The following ASPSCR1 variants were observed in gnomAD, a reference collection of about 807,000 sequenced individuals.
The protein encoded by ASPSCR1 is ASPSCR1 tether for SLC2A4, UBX domain containing.
ASPSCR1 carries 55 observed loss-of-function variants against 68.9 expected under a neutral mutation model. The ratio of observed to expected loss-of-function variants is 0.80; its 90% CI spans 0.64 to 1.00. The LOEUF (loss-of-function observed/expected upper bound fraction) is 1.00, where lower values mean the gene tolerates loss of function less well. Ranked by LOEUF, ASPSCR1 falls within the 50% of genes least tolerant of loss-of-function variation. The pLI, the probability that ASPSCR1 is intolerant of heterozygous loss-of-function variation, is 0.00. For synonymous variants in ASPSCR1, 352 were observed against 332.6 expected (o/e 1.06, Z -0.63); for missense variants, 765 against 762.2 (o/e 1.00, Z -0.04).
rs747217798 is a variant in ASPSCR1 at position 82,017,025 on chromosome 17, G to A, written c.1560G>A (p.Gly520=). ...AGTCTGAGCCAGCTGCTGAGGAGGG[G>A]GCGCTGGTCCCCCCTGAGCCCATCC... The part of the protein sequence containing the change: ...APKSEPAAEE[G]ALVPPEPIPG... The change falls in exon 15 of 16, where the codon GGG becomes GGA. Residue 520 remains glycine, a synonymous_variant. Coordinates refer to ENST00000306739, the MANE Select transcript of ASPSCR1 (RefSeq NM_024083.4). The A allele has an allele frequency of 6.2e-7, 1 of 1,612,448 alleles. No individual in the cohort carries two copies. The highest frequency in any genetic ancestry group is 1.1e-5 in the South Asian group (1 of 91,072).
At chr17:82,017,277 T>G (rs1383586654) in intron 15 of ASPSCR1, 32 bp from the exon 16 acceptor site, 1 of 1,608,978 alleles carries the variant, frequency 6.2e-7, no homozygotes, top group Non-Finnish European at 8.5e-7. Context: ...GAGCCCGGGG[T>G]GTGTGGTCAC....
At position 82,017,111 on chromosome 17, in the gene ASPSCR1, C is replaced by T. The variant is rs756413641; in HGVS notation, c.1646C>T (p.Pro549Leu). 11 of 1,589,494 alleles carry T rather than the reference C, an allele frequency of 6.9e-6. No individual in the cohort carries two copies. The highest frequency in any genetic ancestry group is 9.4e-6 in the Non-Finnish European group (11 of 1,169,988). ...AAGGTGCCCAAGTGGCTGAAGCTGC[C>T]GGGTACTGCGGCTGGGTGGAAGGTG... ...LGKVPKWLKLPASKR is the reference protein window; with the variant it reads ...LGKVPKWLKLLASKR The change falls in exon 15 of 16, where the codon CCG becomes CTG. Residue 549 changes from proline to leucine, a missense_variant and splice_region_variant. Transcript: ENST00000306739.
chr17:81,978,921 TTGC>T, intron 1 of ASPSCR1: 1 of 557,432 alleles, frequency 1.8e-6, no homozygotes, highest in South Asian at 2.0e-5. Context: ...GATGCCCGTG[TTGC>T]TGTACTGCAG....
rs1362982081 is a variant in ASPSCR1 at position 82,006,993 on chromosome 17, G to C, written c.934-2044G>C. ...GGAAGGCTCGGAGCTGAGCTGATGG[G>C]TGTTTGAAGTTTCTCCACACACAGG... On this transcript the variant is annotated intron_variant, in intron 7 of 15. Coordinates refer to ENST00000306739, the MANE Select transcript of ASPSCR1 (RefSeq NM_024083.4). 5 of 152,448 alleles carry C rather than the reference G, an allele frequency of 3.3e-5. No individual in the cohort carries two copies. In the East Asian group the frequency reaches 9.6e-4, roughly 29 times the overall value. 9.4% of individuals were successfully genotyped at this position (152,448 alleles called of 1,614,324 possible).
At chr17:82,013,071 C>T (rs1186856579) in intron 12 of ASPSCR1, 1 of 152,256 alleles carries the variant, frequency 6.6e-6, no homozygotes, top group Non-Finnish European at 1.5e-5. Context: ...TGCTCACTGC[C>T]TGGGGCTGCA....
chr17:81,980,198 G>T (rs1420597795), intron 2 of ASPSCR1, among the ~76,000 whole-genome samples: 1 of 152,234 alleles, frequency 6.6e-6, no homozygotes, highest in Non-Finnish European at 1.5e-5. Flanking sequence ...GGCCAGGACG[G>T]TCTAGAACTC....
At chr17:82,000,908 C>A (rs185493665) in intron 7 of ASPSCR1, among the ~76,000 whole-genome samples, 36 of 152,262 alleles carry the variant, frequency 2.4e-4, no homozygotes, top group African/African-American at 7.9e-4. Flanking sequence ...AGACGCCCCC[C>A]ACAACTCGGC....
In ASPSCR1 at chr17:81,977,824, C is replaced by T. The variant is rs904011448; in HGVS notation, c.102+76C>T. 1.3e-5 allele frequency: 14 copies of T among 1,113,404 alleles called. No homozygotes were observed. Among genetic ancestry groups the T allele is most frequent in the Admixed American group, 4.5e-5 (1 of 22,222 alleles). The allele number at this position is 1,113,404 out of a possible 1,614,324, so 69.0% of individuals were successfully genotyped here. On this transcript the variant is annotated intron_variant, in intron 1 of 15. Transcript: ENST00000306739. This position sits in a 1 kb window ranked among gnomAD's most constrained non-coding sequence, Gnocchi z 5.0. Reference sequence around the variant, plus strand: ...CCGAGGCCCCGCCCATTGCGGTCGGCGTCCCGGTGTTCGGGGGCGGGGCCT... The same window carrying T: ...CCGAGGCCCCGCCCATTGCGGTCGGTGTCCCGGTGTTCGGGGGCGGGGCCT...
rs1251043938 is a variant in ASPSCR1, at chr17:81,996,025, C to A, written c.466C>A (p.Leu156Met). The change falls in exon 6 of 16, where the codon CTG becomes ATG. Residue 156 changes from leucine (L) to methionine (M), a missense_variant. Physicochemically the swap from Leu to Met is conservative, Grantham distance 15. Coordinates refer to ENST00000306739, the MANE Select transcript of ASPSCR1 (RefSeq NM_024083.4). ...TGAAGCTGCCCTGCGGGGCACGACG[C>A]TGCAGTCGCTGGGCCTGACCGGGGG... ...TGEAALRGTT[L>M]QSLGLTGGSA... 2 of 1,610,724 alleles carry A rather than the reference C, an allele frequency of 1.2e-6. No individual in the cohort carries two copies. The highest frequency in any genetic ancestry group is 1.7e-4 in the Middle Eastern group (1 of 6,010).
At position 82,016,844 on chromosome 17, in the gene ASPSCR1, T is replaced by C. The variant is rs1261848371; in HGVS notation, c.1450T>C (p.Ser484Pro). 1.9e-6 allele frequency: 3 copies of C among 1,612,084 alleles called. No homozygotes were observed. The highest frequency in any genetic ancestry group is 2.5e-6 in the Non-Finnish European group (3 of 1,179,946). ...CCTGCTGGAGCATGCCATCTCCCCA[T>C]CTGCGGCCGATGTGCTGGTGGCCAG... Reference protein sequence around the residue: ...PGLLEHAISPSAADVLVARYM... With the variant: ...PGLLEHAISPPAADVLVARYM... Residue 484 changes from serine (S) to proline (P), a missense_variant, in exon 14 of 16, where the codon TCT becomes CCT. Transcript: ENST00000306739.
chr17:82,010,325 C>G (rs531688038), intron 9 of ASPSCR1, among the ~76,000 whole-genome samples: 4 of 151,062 alleles, frequency 2.6e-5, no homozygotes, highest in Admixed American at 1.3e-4. Flanking sequence ...GTCAGGAGAT[C>G]GAGACCATCC....
chr17:81,991,519 T>C (rs533626078), intron 4 of ASPSCR1, among the ~76,000 whole-genome samples: 1 of 152,284 alleles, frequency 6.6e-6, no homozygotes, highest in Non-Finnish European at 1.5e-5. Flanking sequence ...TGCATGCTGC[T>C]GGGCCAGCTC....
rs777847277 is a variant in ASPSCR1 at position 81,994,840 on chromosome 17, G to T, written c.394G>T (p.Gly132Cys). The T allele has an allele frequency of 5.6e-6, 9 of 1,613,204 alleles. No homozygotes were observed. The highest frequency in any genetic ancestry group is 7.6e-6 in the Non-Finnish European group (9 of 1,179,946). Residue 132 changes from glycine (G) to cysteine (C), a missense_variant, in exon 5 of 16, where the codon GGC (glycine) becomes TGC (cysteine). Gly to Cys is a radical substitution (Grantham distance 159). Coordinates refer to ENST00000306739, the MANE Select transcript of ASPSCR1 (RefSeq NM_024083.4). ...TCCCAGGGAGTGCCTGCAGCACCCC[G>T]GCGGGGCCACCCCAGTCTGCGTGTA... is the stretch of plus-strand genomic sequence containing the variant. The part of the protein sequence containing the change: ...PQIRECLQHP[G>C]GATPVCVYTR...
rs2042468024 is a variant in ASPSCR1, at chr17:81,999,777, A to G, written c.933+2931A>G. On this transcript the variant is annotated intron_variant, in intron 7 of 15. Coordinates refer to ENST00000306739, the MANE Select transcript of ASPSCR1 (RefSeq NM_024083.4). This position sits in a 1 kb window ranked among gnomAD's most constrained non-coding sequence, Gnocchi z 4.4. Reference sequence around the variant, plus strand: ...CTTCCTCCTCCTCTGGCCACTTCTGAGTGAAGCAACCTCATGCCTCCCTCT... The same window carrying G: ...CTTCCTCCTCCTCTGGCCACTTCTGGGTGAAGCAACCTCATGCCTCCCTCT... Among the ~76,000 whole-genome samples the G allele has an allele frequency of 6.6e-6, 1 of 152,024 alleles. No homozygotes were observed. The highest frequency in any genetic ancestry group is 2.4e-5 in the African/African-American group (1 of 41,358).
chr17:81,992,538 T>A (rs1191777629), intron 4 of ASPSCR1, among the ~76,000 whole-genome samples: 3 of 152,098 alleles, frequency 2.0e-5, no homozygotes, highest in Admixed American at 6.5e-5. Context: ...AGCCCAGGCC[T>A]CCCCAGCCGT....
At chr17:81,984,838 C>T (rs1410804317) in intron 3 of ASPSCR1, among the ~76,000 whole-genome samples, 1 of 142,010 alleles carries the variant, frequency 7.0e-6, no homozygotes, top group Non-Finnish European at 1.6e-5. Context: ...CCCCCACACA[C>T]CCCTGCACAC....
chr17:81,987,367 G>A lies in ASPSCR1; in HGVS notation c.374+1760G>A, dbSNP rs1243923219. ...TGCTTCCTGAGACGAGAGTGGCAGA[G>A]GGCAAGAAGAAAACCAAACAGCGCG... On this transcript the variant is annotated intron_variant, in intron 4 of 15. Coordinates refer to ENST00000306739, the MANE Select transcript of ASPSCR1 (RefSeq NM_024083.4). The surrounding 1 kb of genome is among the most constrained non-coding windows in gnomAD (Gnocchi z 5.6). Among the ~76,000 whole-genome samples, 2 of 152,210 alleles carry A rather than the reference G, an allele frequency of 1.3e-5. No homozygotes were observed. Among genetic ancestry groups the A allele is most frequent in the Non-Finnish European group, 2.9e-5 (2 of 68,040 alleles).
chr17:82,010,541 A>C (rs201508476), intron 9 of ASPSCR1, among the ~76,000 whole-genome samples: 8 of 150,788 alleles, frequency 5.3e-5, no homozygotes, highest in Non-Finnish European at 7.4e-5. Flanking sequence ...AAAAAAAAAA[A>C]AAAAAAAAAA....
intron 2 of ASPSCR1, among the ~76,000 whole-genome samples, chr17:81,982,255 C>T (rs2041819156): frequency 1.3e-5 from 2 of 152,282 alleles, no homozygotes; most frequent in Non-Finnish European, 2.9e-5. Flanking sequence ...AGGCATGAGC[C>T]ACCGCGCCCA....
Sources: gnomAD v4.1 joint callset for allele counts (sites outside exome capture counted in the v4.1 genomes callset) on GRCh38, gnomAD v4.1.1 for gene constraint, Gnocchi (gnomAD v3.1) non-coding constraint, MANE v1.5 for transcripts, NCBI Gene and HGNC (gene_info 2026-07-23, HGNC 2026-07-21) for gene names.